Variants in ERMP1 observed in about 807,000 individuals in gnomAD.
ERMP1 encodes endoplasmic reticulum metallopeptidase 1.
A neutral mutation model predicts 92.0 loss-of-function variants in ERMP1; 86 were observed. The ratio of observed to expected loss-of-function variants is 0.93; its 90% CI spans 0.79 to 1.12. The LOEUF (loss-of-function observed/expected upper bound fraction) is 1.12, where lower values mean the gene tolerates loss of function less well. Among genes scored for constraint, ERMP1 ranks in the 50% most tolerant of loss-of-function variants. The probability of loss-of-function intolerance (pLI) is 0.00; values close to 1 mark genes in which losing one functional copy is unlikely to be tolerated. For synonymous variants in ERMP1, 530 were observed against 412.8 expected (o/e 1.28, Z -3.44); for missense variants, 1,342 against 1,116.3 (o/e 1.20, Z -2.88).
intron 13 of ERMP1, among the ~76,000 whole-genome samples, chr9:5,792,486 C>G (rs141280153): frequency 1.3e-5 from 2 of 152,174 alleles, no homozygotes; most frequent in African/African-American, 4.8e-5. Flanking sequence ...ATATCTGACA[C>G]TAAAAGTTTT....
chr9:5,866,346 T>C lies in ERMP1; in HGVS notation n.3055+1456A>G, dbSNP rs554590763. Among the ~76,000 whole-genome samples, 113 of 152,322 alleles carry C rather than the reference T, an allele frequency of 7.4e-4. 2 individuals carry two copies. The highest frequency in any genetic ancestry group is 2.3e-3 in the African/African-American group (95 of 41,574). Reference sequence around the variant, plus strand: ...TTATCCAAACAACATACCCAAACCATAGGATCCAACAATAGTGGGGAGAGG... The same window carrying C: ...TTATCCAAACAACATACCCAAACCACAGGATCCAACAATAGTGGGGAGAGG... On this transcript the variant is annotated intron_variant and non_coding_transcript_variant, in intron 5 of 6. Transcript: ENST00000690753.
intron 2 of ERMP1, among the ~76,000 whole-genome samples, chr9:5,830,168 T>C (rs958160489): frequency 2.6e-5 from 4 of 152,284 alleles, no homozygotes; most frequent in East Asian, 1.9e-4. Context: ...CAATACAAAT[T>C]TGTAAACTTT....
upstream of ERMP1, among the ~76,000 whole-genome samples, chr9:5,835,831 T>C (rs901669081): frequency 6.6e-6 from 1 of 152,242 alleles, no homozygotes; most frequent in Non-Finnish European, 1.5e-5. Flanking sequence ...TAAAACACTT[T>C]GATAATGTCT....
chr9:5,807,669 C>G (rs752671538), intron 8 of ERMP1, among the ~76,000 whole-genome samples: 4 of 152,034 alleles, frequency 2.6e-5, no homozygotes, highest in African/African-American at 9.7e-5. Flanking sequence ...CAGCTAGAAC[C>G]CAGGAGGCAG....
At position 5,785,266 on chromosome 9, in the gene ERMP1, G is replaced by T. The variant is rs1207306741; in HGVS notation, c.*1878C>A. On this transcript the variant is annotated 3_prime_UTR_variant, in exon 15 of 15. Coordinates refer to ENST00000339450, the MANE Select transcript of ERMP1 (RefSeq NM_024896.3). ...TAAAGGCATCCTTCCCATAGAGGGG[G>T]GGAATTCACAGGGAACACTAATTAT... 1 of 152,180 alleles carries T rather than the reference G, an allele frequency of 6.6e-6. No individual in the cohort carries two copies. The highest frequency in any genetic ancestry group is 1.5e-5 in the Non-Finnish European group (1 of 68,026). The allele number at this position is 152,180 out of a possible 1,614,324, so 9.4% of individuals were successfully genotyped here.
At chr9:5,816,261 A>G (rs1829301812) in intron 4 of ERMP1, among the ~76,000 whole-genome samples, 1 of 152,190 alleles carries the variant, frequency 6.6e-6, no homozygotes, top group Non-Finnish European at 1.5e-5. Context: ...GAACAACTGG[A>G]AAAATCTGAA....
At chr9:5,795,581 C>T (rs1169489765) in intron 13 of ERMP1, among the ~76,000 whole-genome samples, 2 of 152,132 alleles carry the variant, frequency 1.3e-5, no homozygotes, top group Non-Finnish European at 2.9e-5. Context: ...AGTTTGAGAC[C>T]AGCCTGGCCA....
intron 6 of ERMP1, among the ~76,000 whole-genome samples, chr9:5,851,471 G>A (rs770435654): frequency 1.3e-5 from 2 of 152,170 alleles, no homozygotes; most frequent in Non-Finnish European, 2.9e-5. Flanking sequence ...CAAGAAAGAT[G>A]GAGAGAAGAA....
In ERMP1 at chr9:5,822,858, A is replaced by G. The variant is rs79443217; in HGVS notation, c.874+1038T>C. Among the ~76,000 whole-genome samples the G allele has an allele frequency of 2.8e-4, 42 of 152,346 alleles. 2 individuals carry two copies. The East Asian group carries it at 7.3e-3, about 27-fold the overall frequency. On this transcript the variant is annotated intron_variant, in intron 4 of 14. Coordinates refer to ENST00000339450, the MANE Select transcript of ERMP1 (RefSeq NM_024896.3). Reference sequence around the variant, plus strand: ...TTTTTTAATTTTTGCATGTGTGAAAAATCAGACCTTGGCGATGAGGCTTGA... The same window carrying G: ...TTTTTTAATTTTTGCATGTGTGAAAGATCAGACCTTGGCGATGAGGCTTGA...
chr9:5,818,684 G>C (rs965956883), intron 4 of ERMP1, among the ~76,000 whole-genome samples: 6 of 151,508 alleles, frequency 4.0e-5, no homozygotes, highest in African/African-American at 1.5e-4. Flanking sequence ...CCACATTCCA[G>C]CCTGGGCAAC....
intron 3 of ERMP1, 129 bp downstream of exon 3, chr9:5,824,963 T>C (rs1317691000): frequency 9.4e-6 from 8 of 849,842 alleles, no homozygotes; most frequent in African/African-American, 1.7e-5. Context: ...AAAGTATTTT[T>C]CTGCATATTA....
At position 5,797,926 on chromosome 9, in the gene ERMP1, G is replaced by C. The variant is rs1232699698; in HGVS notation, c.2277C>G (p.Asn759Lys). Residue 759 changes from asparagine to lysine, a missense_variant, in exon 13 of 15, where the codon AAC (asparagine) becomes AAG (lysine). Asn to Lys is a moderately conservative substitution (Grantham distance 94). Transcript: ENST00000339450. ...YLPVHFLIRK[N>K]WYLPAPEVSP... ...AAACTTCTGGGGCAGGAAGATACCA[G>C]TTTTTCCTATTTAGAAAGGAAGCTT... 6 of 1,603,442 alleles carry C rather than the reference G, an allele frequency of 3.7e-6. No individual in the cohort carries two copies. In the East Asian group the frequency reaches 1.3e-4, roughly 36 times the overall value.
chr9:5,802,019 G>T (rs1487807746), intron 10 of ERMP1, among the ~76,000 whole-genome samples: 1 of 152,186 alleles, frequency 6.6e-6, no homozygotes, highest in Non-Finnish European at 1.5e-5. Flanking sequence ...GACTCACAGA[G>T]TATGTCCACA....
In ERMP1 at chr9:5,830,644, C is replaced by A. The variant is rs147529411; in HGVS notation, c.640+83G>T. The A allele has an allele frequency of 5.1e-4, 579 of 1,128,704 alleles. 4 individuals carry two copies. In the African/African-American group the frequency reaches 8.2e-3, roughly 16 times the overall value. The allele number at this position is 1,128,704 out of a possible 1,614,324, so 69.9% of individuals were successfully genotyped here. A position where few individuals can be genotyped will look rare whatever the true frequency, so the allele number is the denominator to read the frequency against. ...GGTTTGCCCAAGAAAATGGTCCCCACAATTGCCCAAGTAGCTTGGGGTTAT... is the reference window on the plus strand; with the variant it reads ...GGTTTGCCCAAGAAAATGGTCCCCAAAATTGCCCAAGTAGCTTGGGGTTAT... On this transcript the variant is annotated intron_variant, in intron 2 of 14. Transcript: ENST00000339450.
rs776625042 is a variant in ERMP1 at position 5,810,036 on chromosome 9, G to C, written c.1523C>G (p.Thr508Ser). ...ATVAKIILIH[T>S]LAKRFYYMNA... ...CATGTAATAAAATCTTTTCGCAAGAGTATGTATAAGTATTATTTTGGCTAC... is the reference window on the plus strand; with the variant it reads ...CATGTAATAAAATCTTTTCGCAAGACTATGTATAAGTATTATTTTGGCTAC... Residue 508 changes from threonine (T) to serine (S), a missense_variant, in exon 8 of 15, where the codon ACT (threonine) becomes AGT (serine). Thr to Ser is a moderately conservative substitution (Grantham distance 58). Transcript: ENST00000339450. 1 of 1,610,806 alleles carries C rather than the reference G, an allele frequency of 6.2e-7. No individual in the cohort carries two copies. Among genetic ancestry groups the C allele is most frequent in the Non-Finnish European group, 8.5e-7 (1 of 1,177,260 alleles).
upstream of ERMP1, among the ~76,000 whole-genome samples, chr9:5,834,977 ATGTGTGTGTGTGTGTGTGTGTG>A (rs71326191): frequency 5.4e-4 from 67 of 125,196 alleles, no homozygotes; most frequent in African/African-American, 1.4e-3. Flanking sequence ...GGATAGATAG[ATGTGTGTGTGTGTGTGTGTGTG>A]TGTGTGTGTG....
rs766451152 is a variant in ERMP1, at chr9:5,810,159, G to A, written c.1400C>T (p.Thr467Ile). The A allele has an allele frequency of 8.7e-6, 14 of 1,614,050 alleles. No homozygotes were observed. The highest frequency in any genetic ancestry group is 5.1e-6 in the Non-Finnish European group (6 of 1,179,970). The change falls in exon 8 of 15, where the codon ACC (threonine) becomes ATC (isoleucine). Residue 467 changes from threonine to isoleucine, a missense_variant. Physicochemically the swap from Thr to Ile is moderately conservative, Grantham distance 89 (BLOSUM62 -1). Coordinates refer to ENST00000339450, the MANE Select transcript of ERMP1 (RefSeq NM_024896.3). ...GATGAACACTGCTATAATGAGAACG[G>A]TAACAAGGCTAGTGAACCAGCTGAT... ...TLISWFTSLV[T>I]VLIIAVFISL...
chr9:5,816,443 T>C (rs1026827293), intron 4 of ERMP1, among the ~76,000 whole-genome samples: 1 of 152,222 alleles, frequency 6.6e-6, no homozygotes, highest in Admixed American at 6.5e-5. Flanking sequence ...TCAAATATTA[T>C]ACCATCCTGT....
intron 6 of ERMP1, among the ~76,000 whole-genome samples, chr9:5,849,006 T>A (rs10975317): frequency 1.4e-4 from 21 of 152,082 alleles, no homozygotes; most frequent in African/African-American, 3.9e-4. Context: ...TTGATTATTT[T>A]TATTTTTATT....
Sources: gnomAD v4.1 joint callset for allele counts (sites outside exome capture counted in the v4.1 genomes callset) on GRCh38, gnomAD v4.1.1 for gene constraint, MANE v1.5 for transcripts, NCBI Gene and HGNC (gene_info 2026-07-23, HGNC 2026-07-21) for gene names.